DISP1: variants seen among roughly 807,000 people sequenced by gnomAD.
DISP1 encodes dispatched RND transporter family member 1, also known as protein dispatched homolog 1.
A neutral mutation model predicts 37.3 loss-of-function variants in DISP1; 30 were observed. The ratio of observed to expected loss-of-function variants is 0.80; its 90% CI spans 0.60 to 1.09. DISP1 has a LOEUF of 1.09. Ranked by LOEUF, DISP1 falls within the 50% of genes least tolerant of loss-of-function variation. The pLI is 0.00. For synonymous variants in DISP1, 634 were observed against 690.2 expected (o/e 0.92, Z 1.28); for missense variants, 1,598 against 1,879.5 (o/e 0.85, Z 2.77).
At chr1:222,821,365 TACAAAAG>T (rs1662843899) in intron 1 of DISP1, among the ~76,000 whole-genome samples, 1 of 152,220 alleles carries the variant, frequency 6.6e-6, no homozygotes, top group South Asian at 2.1e-4. Flanking sequence ...GATAATTGGT[TACAAAAG>T]ACATTTTCTG....
chr1:222,952,205 A>C (rs911271438), intron 3 of DISP1, among the ~76,000 whole-genome samples: 3 of 152,234 alleles, frequency 2.0e-5, no homozygotes, highest in Non-Finnish European at 4.4e-5. Flanking sequence ...TGGCTTTTCA[A>C]TAAAGCCAGT....
intron 1 of DISP1, among the ~76,000 whole-genome samples, chr1:222,817,257 G>A (rs1032222948): frequency 1.3e-5 from 2 of 152,160 alleles, no homozygotes; most frequent in South Asian, 4.1e-4. Flanking sequence ...GCGAACTGCT[G>A]GCTATTTTAT....
chr1:222,916,494 C>A (rs1672500559), intron 1 of DISP1, among the ~76,000 whole-genome samples: 1 of 152,156 alleles, frequency 6.6e-6, no homozygotes, highest in Non-Finnish European at 1.5e-5. Flanking sequence ...GTGGAGCATG[C>A]CAATCAATTG....
In DISP1 at chr1:223,003,050, CT is replaced by C; in HGVS notation, c.1655del (p.Phe552SerfsTer7). 6.2e-7 allele frequency: 1 copy of C among 1,614,092 alleles called. No homozygotes were observed. Among genetic ancestry groups the C allele is most frequent in the South Asian group, 1.1e-5 (1 of 91,074 alleles). ...SYFLYRVVFH[F>X]EFFPFMNLTA... Reference sequence around the variant, plus strand: ...ATTTTCTCTATCGTGTAGTATTTCACTTCGAATTTTTTCCTTTTATGAACCT... The same window carrying C: ...ATTTTCTCTATCGTGTAGTATTTCACTCGAATTTTTTCCTTTTATGAACCT... On this transcript the variant is annotated frameshift_variant, in exon 9 of 9. Coordinates refer to ENST00000675850, the MANE Select transcript of DISP1 (RefSeq NM_001377229.1). LOFTEE classifies it low-confidence loss of function (END_TRUNC). The surrounding 1 kb of genome is among the most constrained non-coding windows in gnomAD (Gnocchi z 4.3).
intron 1 of DISP1, among the ~76,000 whole-genome samples, chr1:222,851,061 ATTTTTTT>A (rs971721526): frequency 7.9e-5 from 10 of 127,358 alleles, no homozygotes; most frequent in East Asian, 2.2e-4. Context: ...TGCATTTTTA[ATTTTTTT>A]TTTTTTTTTT....
intron 1 of DISP1, among the ~76,000 whole-genome samples, chr1:222,886,261 G>T (rs1001664279): frequency 1.3e-5 from 2 of 152,194 alleles, no homozygotes; most frequent in African/African-American, 4.8e-5. Context: ...GAATGGTAGA[G>T]ACAGCAACAG....
At chr1:222,912,817 T>C (rs1305518491) in intron 1 of DISP1, among the ~76,000 whole-genome samples, 1 of 152,202 alleles carries the variant, frequency 6.6e-6, no homozygotes, top group Non-Finnish European at 1.5e-5. Flanking sequence ...TTGTTGAACT[T>C]ATTTGGTTAT....
At chr1:222,989,617 C>T (rs2102735813) in intron 4 of DISP1, 1 of 946,352 alleles carries the variant, frequency 1.1e-6, no homozygotes, top group Admixed American at 6.2e-5. Context: ...TGGGAAGAGA[C>T]TAAAACCAGA....
intron 1 of DISP1, chr1:222,872,143 A>G (rs1669627230): frequency 6.6e-6 from 1 of 152,152 alleles, no homozygotes; most frequent in South Asian, 2.1e-4. Context: ...AGCCCACTTG[A>G]TCGTGGTGGA....
intron 8 of DISP1, among the ~76,000 whole-genome samples, chr1:222,998,833 C>A (rs1005503131): frequency 6.6e-6 from 1 of 152,068 alleles, no homozygotes; most frequent in African/African-American, 2.4e-5. Flanking sequence ...AGCTAGAAAA[C>A]CCCTGAAGCT....
Position 222,991,647 on chromosome 1 carries a change from G to T in DISP1, c.791G>T (p.Ser264Ile), listed in dbSNP as rs773584775. The T allele has an allele frequency of 1.2e-6, 2 of 1,611,852 alleles. No homozygotes were observed. The highest frequency in any genetic ancestry group is 1.1e-5 in the South Asian group (1 of 90,806). The change falls in exon 6 of 9, where the codon AGC (serine) becomes ATC (isoleucine). Residue 264 changes from serine (S) to isoleucine (I), a missense_variant and splice_region_variant. Transcript: ENST00000675850. ...PFKYADEQAKSHRDDRWSDDH... is the reference protein window; with the variant it reads ...PFKYADEQAKIHRDDRWSDDH... ...AAATATGCAGATGAACAAGCCAAAAGGTAATCAATTATTTATTTTTATATA... is the reference window on the plus strand; with the variant it reads ...AAATATGCAGATGAACAAGCCAAAATGTAATCAATTATTTATTTTTATATA...
intron 1 of DISP1, among the ~76,000 whole-genome samples, chr1:222,888,080 G>A (rs1247213754): frequency 6.6e-6 from 1 of 152,154 alleles, no homozygotes; most frequent in Non-Finnish European, 1.5e-5. Flanking sequence ...CTGCCTGACT[G>A]TTAGGAGCAG....
intron 1 of DISP1, among the ~76,000 whole-genome samples, chr1:222,841,186 A>G (rs996377842): frequency 3.3e-5 from 5 of 152,168 alleles, no homozygotes; most frequent in African/African-American, 1.2e-4. Flanking sequence ...TTTTGTTAGC[A>G]TATTTTATTT....
chr1:222,853,387 G>T (rs967712801), intron 1 of DISP1, among the ~76,000 whole-genome samples: 1 of 152,162 alleles, frequency 6.6e-6, no homozygotes, highest in Non-Finnish European at 1.5e-5. Flanking sequence ...TCCAGTGATT[G>T]TACTACTGGG....
At chr1:222,936,895 T>A (rs1342583429) in intron 2 of DISP1, among the ~76,000 whole-genome samples, 17 of 33,712 alleles carry the variant, frequency 5.0e-4, no homozygotes, top group African/African-American at 1.3e-3. Context: ...TATAATATAT[T>A]ATTTATATAT....
At chr1:222,860,112 A>G (rs1668792810) in intron 1 of DISP1, among the ~76,000 whole-genome samples, 1 of 152,196 alleles carries the variant, frequency 6.6e-6, no homozygotes, top group African/African-American at 2.4e-5. Context: ...GCTGGAGTGC[A>G]ATGGCACGAT....
At chr1:222,947,975 G>A (rs1674918933) in intron 3 of DISP1, among the ~76,000 whole-genome samples, 1 of 152,194 alleles carries the variant, frequency 6.6e-6, no homozygotes, top group Non-Finnish European at 1.5e-5. Flanking sequence ...GAATCTACTA[G>A]ATTTGGTGGA....
intron 3 of DISP1, among the ~76,000 whole-genome samples, chr1:222,965,007 A>G (rs1676362489): frequency 6.6e-6 from 1 of 152,012 alleles, no homozygotes; most frequent in East Asian, 1.9e-4. Context: ...TTCCTTCAGT[A>G]GTTTTTTTTT....
intron 1 of DISP1, among the ~76,000 whole-genome samples, chr1:222,825,499 C>CTTTTTTTTTT: frequency 7.6e-6 from 1 of 131,820 alleles, no homozygotes; most frequent in Non-Finnish European, 1.6e-5. Context: ...ACCTGTTTCT[C>CTTTTTTTTTT]TTTTTTTTTT....
Sources: allele counts gnomAD v4.1 joint callset (sites outside exome capture counted in the v4.1 genomes callset), GRCh38; gene constraint gnomAD v4.1.1; non-coding constraint Gnocchi (gnomAD v3.1); transcripts MANE v1.5; gene names NCBI Gene and HGNC (gene_info 2026-07-23, HGNC 2026-07-21).